The following NUP153 variants were observed in gnomAD, a reference collection of about 807,000 sequenced individuals.
The protein encoded by NUP153 is nuclear pore complex protein Nup153.
A neutral mutation model predicts 134.6 loss-of-function variants in NUP153; 27 were observed. That is an observed-to-expected ratio of 0.20 (90% confidence interval 0.15 to 0.28). NUP153 has a LOEUF of 0.28. Ranked by LOEUF, NUP153 falls within the 10% of genes least tolerant of loss-of-function variation. The pLI is 1.00. For missense variants in NUP153, 1,821 were observed against 1,731.3 expected, an observed-to-expected ratio of 1.05 and a Z score of -0.92; for synonymous variants, 640 against 623.5, an observed-to-expected ratio of 1.03 and a Z score of -0.40.
intron 18 of NUP153, among the ~76,000 whole-genome samples, chr6:17,626,519 A>G (rs1764958927): frequency 6.6e-6 from 1 of 152,212 alleles, no homozygotes. Flanking sequence ...TGCAATTTAT[A>G]TTACAGTATG....
chr6:17,619,797 T>A (rs957425754), intron 20 of NUP153, among the ~76,000 whole-genome samples: 1 of 152,034 alleles, frequency 6.6e-6, no homozygotes, highest in African/African-American at 2.4e-5. Flanking sequence ...ACATTCTCCA[T>A]AGAAATAGAA....
chr6:17,662,011 A>G lies in NUP153; in HGVS notation c.1268+7T>C, dbSNP rs769800640. 7 of 1,590,012 alleles carry G rather than the reference A, an allele frequency of 4.4e-6. No homozygotes were observed. The South Asian group carries it at 7.8e-5, about 18-fold the overall frequency. On this transcript the variant is annotated splice_region_variant and intron_variant, in intron 10 of 21. Coordinates refer to ENST00000262077, the MANE Select transcript of NUP153 (RefSeq NM_005124.4). The stretch of plus-strand genomic sequence containing the variant: ...AAGAAGTATAGCTGTATAAGAAATG[A>G]CAGTACCTTTCTCGTTGTTCTCTAT...
At chr6:17,660,464 T>G (rs571090976) in intron 11 of NUP153, among the ~76,000 whole-genome samples, 16 of 152,118 alleles carry the variant, frequency 1.1e-4, no homozygotes, top group Non-Finnish European at 1.8e-4. Context: ...GACAGAAAGG[T>G]TAATGTAACC....
chr6:17,668,162 G>A (rs7760533), intron 8 of NUP153, among the ~76,000 whole-genome samples: 9 of 134,760 alleles, frequency 6.7e-5, no homozygotes, highest in African/African-American at 1.1e-4. Context: ...TGCACCCTCC[G>A]CCTCCCGGGT....
chr6:17,664,407 T>C (rs1489150632), intron 9 of NUP153, among the ~76,000 whole-genome samples: 2 of 152,072 alleles, frequency 1.3e-5, no homozygotes, highest in Non-Finnish European at 2.9e-5. Context: ...CAGAAACCAA[T>C]GTGGCCAGGG....
At position 17,706,884 on chromosome 6, in the gene NUP153, A is replaced by G. The variant is rs1057420110; in HGVS notation, c.-497T>C. ...TGCAGCCTCCGCCGCCGTTGCGCCT[A>G]TTACCCCTGCTAAGGCGGCTGCCGC... On this transcript the variant is annotated 5_prime_UTR_variant, in exon 1 of 22. Transcript: ENST00000262077. The surrounding 1 kb of genome is among the most constrained non-coding windows in gnomAD (Gnocchi z 5.9). The G allele has an allele frequency of 6.1e-6, 1 of 163,870 alleles. No individual in the cohort carries two copies. The highest frequency in any genetic ancestry group is 1.3e-5 in the Non-Finnish European group (1 of 74,766). 10.2% of individuals were successfully genotyped at this position (163,870 alleles called of 1,614,324 possible). A position where few individuals can be genotyped will look rare whatever the true frequency, so the allele number is the denominator to read the frequency against.
chr6:17,652,731 G>A (rs187940255), intron 11 of NUP153, among the ~76,000 whole-genome samples: 1 of 152,260 alleles, frequency 6.6e-6, no homozygotes, highest in Admixed American at 6.5e-5. Flanking sequence ...AACTCAGTAA[G>A]AAGACAGCTG....
intron 11 of NUP153, among the ~76,000 whole-genome samples, chr6:17,651,066 C>CCAAG (rs1177003317): frequency 6.6e-6 from 1 of 152,118 alleles, no homozygotes; most frequent in African/African-American, 2.4e-5. Context: ...CTTTGGGAGG[C>CCAAG]CAAGGCAGGA....
chr6:17,662,201 T>C, intron 9 of NUP153, 131 bp from the exon 10 acceptor site: 2 of 785,814 alleles, frequency 2.5e-6, no homozygotes, highest in Non-Finnish European at 4.2e-6. Context: ...AATCCTGAAA[T>C]TTGAAATTAC....
intron 11 of NUP153, among the ~76,000 whole-genome samples, chr6:17,654,610 G>A (rs556935941): frequency 2.0e-5 from 3 of 152,076 alleles, no homozygotes; most frequent in East Asian, 1.9e-4. Context: ...ATGAACCACC[G>A]CGCCCAGCTG....
chr6:17,647,628 C>T (rs74638186), intron 13 of NUP153, among the ~76,000 whole-genome samples, 179 bp downstream of exon 13: 9,376 of 152,220 alleles, frequency 0.062, 391 homozygotes, highest in Non-Finnish European at 0.084. Flanking sequence ...AATATGCATA[C>T]ATATGTACAT....
chr6:17,706,305 G>A lies in NUP153; in HGVS notation c.83C>T (p.Pro28Leu), dbSNP rs372754447. 3.3e-5 allele frequency: 54 copies of A among 1,613,592 alleles called. No homozygotes were observed. The highest frequency in any genetic ancestry group is 4.6e-5 in the Non-Finnish European group (54 of 1,179,742). ...ATGCTGTTGTCGCCCCTGCTGGTAAGGCTTAATTGGCCCCTGGTGGCAACG... is the reference window on the plus strand; with the variant it reads ...ATGCTGTTGTCGCCCCTGCTGGTAAAGCTTAATTGGCCCCTGGTGGCAACG... Reference protein sequence around the residue: ...TRRCHQGPIKPYQQGRQQHQG... With the variant: ...TRRCHQGPIKLYQQGRQQHQG... Residue 28 changes from proline (P) to leucine (L), a missense_variant, in exon 1 of 22, where the codon CCT (proline) becomes CTT (leucine). Coordinates refer to ENST00000262077, the MANE Select transcript of NUP153 (RefSeq NM_005124.4). The surrounding 1 kb of genome is among the most constrained non-coding windows in gnomAD (Gnocchi z 5.9).
Position 17,691,598 on chromosome 6 carries a change from C to T in NUP153, c.112-2980G>A, listed in dbSNP as rs1043849050. 2.0e-5 allele frequency among the ~76,000 whole-genome samples: 3 copies of T among 152,120 alleles called. No individual in the cohort carries two copies. In the South Asian group the frequency reaches 6.2e-4, roughly 31 times the overall value. On this transcript the variant is annotated intron_variant, in intron 1 of 21. Coordinates refer to ENST00000262077, the MANE Select transcript of NUP153 (RefSeq NM_005124.4). ...TGGCCAACATGGCAAAACCCCGTAT[C>T]TACTAAAAATACAAAAATTAGCCAG...
chr6:17,678,605 CTG>C (rs1248466399), intron 2 of NUP153, among the ~76,000 whole-genome samples: 3 of 152,168 alleles, frequency 2.0e-5, no homozygotes, highest in Admixed American at 1.3e-4. Flanking sequence ...TGCTGCTAGA[CTG>C]TATTTGCCAT....
chr6:17,701,848 A>AGGGGGGGGGGGG (rs1561917012), intron 1 of NUP153, among the ~76,000 whole-genome samples: 3 of 90,346 alleles, frequency 3.3e-5, no homozygotes, highest in Non-Finnish European at 5.1e-5. Flanking sequence ...GGGGGGGAAA[A>AGGGGGGGGGGGG]AAGCTAAATG....
chr6:17,648,016 C>T (rs1307110159), intron 12 of NUP153, 111 bp from the exon 13 acceptor site: 1 of 681,326 alleles, frequency 1.5e-6, no homozygotes, highest in Non-Finnish European at 2.5e-6. Flanking sequence ...AGTATTTTTT[C>T]CTTTTAAATT....
At chr6:17,637,045 G>T in intron 16 of NUP153, 108 bp downstream of exon 16, 2 of 1,087,886 alleles carry the variant, frequency 1.8e-6, no homozygotes, top group Non-Finnish European at 1.3e-6. Flanking sequence ...AAATTAATAT[G>T]TATGAGAAAT....
At chr6:17,700,079 C>T (rs1448976711) in intron 1 of NUP153, among the ~76,000 whole-genome samples, 1 of 151,858 alleles carries the variant, frequency 6.6e-6, no homozygotes, top group Admixed American at 6.6e-5. Context: ...ATTTAGTCAC[C>T]TAAAGGAAAC....
At chr6:17,618,858 G>A (rs560987495) in intron 20 of NUP153, among the ~76,000 whole-genome samples, 14 of 152,300 alleles carry the variant, frequency 9.2e-5, no homozygotes, top group East Asian at 1.9e-4. Context: ...GAGCCACTGC[G>A]CCCAGCAGAA....
Sources: allele counts gnomAD v4.1 joint callset (sites outside exome capture counted in the v4.1 genomes callset), GRCh38; gene constraint gnomAD v4.1.1; non-coding constraint Gnocchi (gnomAD v3.1); transcripts MANE v1.5; gene names NCBI Gene and HGNC (gene_info 2026-07-23, HGNC 2026-07-21).